ARHGAP26: variants seen among roughly 807,000 people sequenced by gnomAD.
ARHGAP26 encodes Rho GTPase activating protein 26, also known as rho GTPase-activating protein 26.
A neutral mutation model predicts 104.8 loss-of-function variants in ARHGAP26; 38 were observed. That is an observed-to-expected ratio of 0.36 (90% confidence interval 0.28 to 0.48). The LOEUF is 0.48. ARHGAP26 is among the 20% of genes least tolerant of loss of function. The pLI, the probability that ARHGAP26 is intolerant of heterozygous loss-of-function variation, is 0.99. For missense variants in ARHGAP26, 704 were observed against 947.9 expected, an observed-to-expected ratio of 0.74 and a Z score of 3.38; for synonymous variants, 341 against 340.0, an observed-to-expected ratio of 1.00 and a Z score of -0.03.
intron 11 of ARHGAP26, among the ~76,000 whole-genome samples, chr5:143,005,337 A>T (rs1777789617): frequency 6.6e-6 from 1 of 152,218 alleles, no homozygotes; most frequent in Non-Finnish European, 1.5e-5. Context: ...TCAGGTATGC[A>T]TCCTGTTTTC....
intron 17 of ARHGAP26, among the ~76,000 whole-genome samples, chr5:143,084,765 G>T (rs904298548): frequency 1.3e-4 from 20 of 152,132 alleles, no homozygotes; most frequent in African/African-American, 4.3e-4. Context: ...TACTTTCTCC[G>T]CTGGGCGCGG....
At chr5:142,797,204 C>T (rs1761151754) in intron 1 of ARHGAP26, among the ~76,000 whole-genome samples, 1 of 152,102 alleles carries the variant, frequency 6.6e-6, no homozygotes, top group Non-Finnish European at 1.5e-5. Context: ...CCTAAAACAT[C>T]CTTTGGGAGA....
chr5:143,112,993 A>T (rs1794949660), intron 17 of ARHGAP26, among the ~76,000 whole-genome samples: 1 of 152,200 alleles, frequency 6.6e-6, no homozygotes, highest in Non-Finnish European at 1.5e-5. Context: ...AAATTGCTGG[A>T]TCAATGGTAA....
chr5:143,105,820 C>A (rs1793933331), intron 17 of ARHGAP26, among the ~76,000 whole-genome samples: 1 of 152,150 alleles, frequency 6.6e-6, no homozygotes. Flanking sequence ...GGGAAAGTAA[C>A]GTGTAGGATT....
At chr5:142,825,017 A>G (rs1597792476) in intron 1 of ARHGAP26, among the ~76,000 whole-genome samples, 1 of 152,182 alleles carries the variant, frequency 6.6e-6, no homozygotes, top group Admixed American at 6.5e-5. Flanking sequence ...ATAATTATTC[A>G]GTGTCTCCTA....
At chr5:142,835,066 A>G (rs1252355696) in intron 1 of ARHGAP26, among the ~76,000 whole-genome samples, 1 of 152,184 alleles carries the variant, frequency 6.6e-6, no homozygotes, top group Non-Finnish European at 1.5e-5. Flanking sequence ...TCTCCATCTG[A>G]TAGAAGAGGA....
At chr5:142,901,727 A>G (rs752797541) in intron 6 of ARHGAP26, among the ~76,000 whole-genome samples, 6 of 152,220 alleles carry the variant, frequency 3.9e-5, no homozygotes, top group Non-Finnish European at 8.8e-5. Flanking sequence ...TGGGGATAAC[A>G]GTAGTGCTTA....
intron 1 of ARHGAP26, among the ~76,000 whole-genome samples, chr5:142,801,063 T>C (rs1272950449): frequency 2.0e-5 from 3 of 152,190 alleles, no homozygotes; most frequent in Admixed American, 1.3e-4. Flanking sequence ...CGTTTCCTGT[T>C]CTTGAGGCAT....
At chr5:142,992,562 G>A (rs909790254) in intron 11 of ARHGAP26, among the ~76,000 whole-genome samples, 37 of 151,672 alleles carry the variant, frequency 2.4e-4, no homozygotes, top group African/African-American at 8.2e-4. Flanking sequence ...CAAGTAGCTG[G>A]GACTACAGGT....
At chr5:143,113,804 A>G (rs1312241244) in intron 17 of ARHGAP26, among the ~76,000 whole-genome samples, 9 of 152,098 alleles carry the variant, frequency 5.9e-5, no homozygotes, top group Admixed American at 4.6e-4. Flanking sequence ...TCTTTTTCCT[A>G]TTATAACCAC....
At chr5:142,954,455 C>T (rs1008737650) in intron 11 of ARHGAP26, among the ~76,000 whole-genome samples, 1 of 152,234 alleles carries the variant, frequency 6.6e-6, no homozygotes, top group Non-Finnish European at 1.5e-5. Flanking sequence ...ACACTTCCCA[C>T]GCAACCTCAA....
chr5:143,144,283 T>C (rs1798899054), intron 19 of ARHGAP26, among the ~76,000 whole-genome samples: 1 of 152,228 alleles, frequency 6.6e-6, no homozygotes, highest in African/African-American at 2.4e-5. Context: ...ATTTTTATTT[T>C]TTAAAGTGTC....
intron 14 of ARHGAP26, among the ~76,000 whole-genome samples, chr5:143,042,222 G>A (rs968675005): frequency 5.9e-5 from 9 of 152,196 alleles, no homozygotes; most frequent in Non-Finnish European, 8.8e-5. Flanking sequence ...GACTCCCTCC[G>A]TTCTCTTTTG....
intron 1 of ARHGAP26, among the ~76,000 whole-genome samples, chr5:142,872,325 C>T (rs542978918): frequency 6.6e-6 from 1 of 152,270 alleles, no homozygotes; most frequent in East Asian, 1.9e-4. Flanking sequence ...TGTGCAGCCA[C>T]AGTACACCCC....
chr5:142,787,235 C>T (rs1758855972), intron 1 of ARHGAP26, among the ~76,000 whole-genome samples: 1 of 152,118 alleles, frequency 6.6e-6, no homozygotes. Flanking sequence ...TCAAGTGTCT[C>T]ATTTTTATCA....
intron 17 of ARHGAP26, among the ~76,000 whole-genome samples, chr5:143,117,796 G>A (rs1427701716): frequency 6.6e-6 from 1 of 152,208 alleles, no homozygotes; most frequent in African/African-American, 2.4e-5. Flanking sequence ...GGGAGGTTGG[G>A]ATAGTTGAGA....
chr5:143,142,105 T>C (rs1798603112), intron 19 of ARHGAP26, among the ~76,000 whole-genome samples: 1 of 148,264 alleles, frequency 6.7e-6, no homozygotes, highest in South Asian at 2.2e-4. Context: ...TGTACTATGA[T>C]CAAAACAACA....
chr5:143,177,674 C>A (rs1359357882), intron 20 of ARHGAP26, among the ~76,000 whole-genome samples: 2 of 152,122 alleles, frequency 1.3e-5, no homozygotes, highest in East Asian at 3.9e-4. Flanking sequence ...GTTTTCAGAG[C>A]CACTTGAAAC....
chr5:142,949,818 T>C (rs1768030289), intron 11 of ARHGAP26, among the ~76,000 whole-genome samples: 1 of 152,220 alleles, frequency 6.6e-6, no homozygotes, highest in African/African-American at 2.4e-5. Context: ...GTGAACCCTC[T>C]GCAGTGACAT....
Sources: allele counts gnomAD v4.1 joint callset (sites outside exome capture counted in the v4.1 genomes callset), GRCh38; gene constraint gnomAD v4.1.1; transcripts MANE v1.5; gene names NCBI Gene and HGNC (gene_info 2026-07-23, HGNC 2026-07-21).